SIRPB2: variants seen among roughly 807,000 people sequenced by gnomAD.
SIRPB2 encodes the protein signal-regulatory protein beta-2.
A neutral mutation model predicts 27.1 loss-of-function variants in SIRPB2; 18 were observed. That is an observed-to-expected ratio of 0.66 (90% CI 0.46 to 0.98). The LOEUF is 0.98. Among genes scored for constraint, SIRPB2 ranks in the 50% least tolerant of loss-of-function variants. The pLI, the probability that SIRPB2 is intolerant of heterozygous loss-of-function variation, is 0.00. For synonymous variants in SIRPB2, 150 were observed against 164.6 expected, an observed-to-expected ratio of 0.91 and a Z score of 0.68; for missense variants, 420 against 417.4, an observed-to-expected ratio of 1.01 and a Z score of -0.06.
chr20:1,484,550 C>T (rs1386323904), intron 1 of SIRPB2, among the ~76,000 whole-genome samples: 1 of 152,076 alleles, frequency 6.6e-6, no homozygotes, highest in Non-Finnish European at 1.5e-5. Context: ...CATGAATCAA[C>T]ATCTCTCAAA....
intron 1 of SIRPB2, 84 bp downstream of exon 1, chr20:1,491,191 C>T: frequency 7.8e-7 from 1 of 1,276,898 alleles, no homozygotes; most frequent in Non-Finnish European, 1.1e-6. Context: ...GGTCAAGCTT[C>T]TTCAGGCATG....
rs756193958 is a variant in SIRPB2, at chr20:1,476,798, C to T, written c.860-462G>A. The T allele has an allele frequency of 6.6e-5, 69 of 1,050,368 alleles. 1 individual carries two copies. In the Middle Eastern group the frequency reaches 1.8e-3, roughly 28 times the overall value. The allele number at this position is 1,050,368 out of a possible 1,614,324, so 65.1% of individuals were successfully genotyped here. On this transcript the variant is annotated intron_variant, in intron 4 of 4. Coordinates refer to ENST00000359801, the MANE Select transcript of SIRPB2 (RefSeq NM_001122962.2). Reference sequence around the variant, plus strand: ...GACCACATCTATCACAAGCTCCCACCAGATACTGAGAGTCCTTGAATGTTA... The same window carrying T: ...GACCACATCTATCACAAGCTCCCACTAGATACTGAGAGTCCTTGAATGTTA...
In SIRPB2 at chr20:1,476,830, G is replaced by A. The variant is rs923257466; in HGVS notation, c.860-494C>T. 3.7e-6 allele frequency: 4 copies of A among 1,068,228 alleles called. No individual in the cohort carries two copies. The South Asian group carries it at 1.1e-4, about 30-fold the overall frequency. The allele number at this position is 1,068,228 out of a possible 1,614,324, so 66.2% of individuals were successfully genotyped here. A position where few individuals can be genotyped will look rare whatever the true frequency, so the allele number is the denominator to read the frequency against. On this transcript the variant is annotated intron_variant, in intron 4 of 4. Coordinates refer to ENST00000359801, the MANE Select transcript of SIRPB2 (RefSeq NM_001122962.2). Reference sequence around the variant, plus strand: ...TGAGAGTCCTTGAATGTTAACATGAGATGTGCTAGGCACAGTTCTGGACAC... The same window carrying A: ...TGAGAGTCCTTGAATGTTAACATGAAATGTGCTAGGCACAGTTCTGGACAC...
rs367872084 is a variant in SIRPB2, at chr20:1,478,426, G to A, written c.633C>T (p.Ser211=). ...CCTGCACCGCTGTCTCCTTGGGGTG[G>A]GAGATGCCTCCAAAGTTGTAAATGG... is the stretch of plus-strand genomic sequence containing the variant. ...REAIYNFGGI[S]HPKETAVQAS... Residue 211 remains serine (S), a synonymous_variant, in exon 3 of 5, where the codon TCC becomes TCT. Coordinates refer to ENST00000359801, the MANE Select transcript of SIRPB2 (RefSeq NM_001122962.2). 12 of 1,614,018 alleles carry A rather than the reference G, an allele frequency of 7.4e-6. No homozygotes were observed. Among genetic ancestry groups the A allele is most frequent in the Admixed American group, 1.7e-5 (1 of 59,996 alleles).
chr20:1,477,349 A>G lies in SIRPB2; in HGVS notation c.848T>C (p.Met283Thr). The change falls in exon 4 of 5, where the codon ATG (methionine) becomes ACG (threonine). Residue 283 changes from methionine to threonine, a missense_variant. Met to Thr is a moderately conservative substitution (Grantham distance 81). Transcript: ENST00000359801. Reference sequence around the variant, plus strand: ...GTGGGTACGCTCACCTGTTGGAGACATCTCAGTTGCAGGTTCACTGGTGAA... The same window carrying G: ...GTGGGTACGCTCACCTGTTGGAGACGTCTCAGTTGCAGGTTCACTGGTGAA... ...AEFTSEPATE[M>T]SPTGLLVVFA... 1 of 1,614,222 alleles carries G rather than the reference A, an allele frequency of 6.2e-7. No individual in the cohort carries two copies. The highest frequency in any genetic ancestry group is 8.5e-7 in the Non-Finnish European group (1 of 1,180,032).
At chr20:1,476,997 A>C in intron 4 of SIRPB2, 1 of 1,254,224 alleles carries the variant, frequency 8.0e-7, no homozygotes, top group Non-Finnish European at 1.0e-6. Flanking sequence ...AAGGGGCTCC[A>C]TCCAGGAGGC....
chr20:1,482,961 T>A (rs1009592228), intron 1 of SIRPB2, among the ~76,000 whole-genome samples: 2 of 152,188 alleles, frequency 1.3e-5, no homozygotes, highest in Non-Finnish European at 2.9e-5. Context: ...TTCCTGTAGA[T>A]AAATACCTGT....
At chr20:1,489,638 T>A (rs141599847) in intron 1 of SIRPB2, among the ~76,000 whole-genome samples, 1 of 152,178 alleles carries the variant, frequency 6.6e-6, no homozygotes, top group Non-Finnish European at 1.5e-5. Flanking sequence ...GCCTTGTCAG[T>A]GGAGCTGGAC....
intron 1 of SIRPB2, 79 bp downstream of exon 1, chr20:1,491,196 G>C: frequency 7.6e-7 from 1 of 1,313,300 alleles, no homozygotes; most frequent in Non-Finnish European, 1.0e-6. Context: ...AGCTTCTTCA[G>C]GCATGGCAGA....
intron 1 of SIRPB2, among the ~76,000 whole-genome samples, chr20:1,487,912 T>C (rs750330164): frequency 3.8e-4 from 58 of 152,164 alleles, no homozygotes; most frequent in Non-Finnish European, 7.4e-5. Context: ...TGAACTTTGG[T>C]TTATATCTCA....
rs999831436 is a variant in SIRPB2, at chr20:1,476,018, T to G, written c.*149A>C. On this transcript the variant is annotated 3_prime_UTR_variant, in exon 5 of 5. Transcript: ENST00000359801. ...GAAGCCCGGTGCAAAGAAGGGAATT[T>G]CACTAGGTGGACCAAAACCAGATGT... 7 of 844,866 alleles carry G rather than the reference T, an allele frequency of 8.3e-6. No individual in the cohort carries two copies. The African/African-American group carries it at 1.2e-4, about 14-fold the overall frequency. The allele number at this position is 844,866 out of a possible 1,614,324, so 52.3% of individuals were successfully genotyped here.
At chr20:1,489,156 A>G (rs2090754083) in intron 1 of SIRPB2, among the ~76,000 whole-genome samples, 2 of 152,220 alleles carry the variant, frequency 1.3e-5, no homozygotes, top group African/African-American at 4.8e-5. Context: ...AATGCAAACT[A>G]TAGTGACAGA....
rs778195889 is a variant in SIRPB2 at position 1,478,332 on chromosome 20, C to T, written c.727G>A (p.Val243Ile). The change falls in exon 3 of 5, where the codon GTA becomes ATA. Residue 243 changes from valine to isoleucine, a missense_variant. Transcript: ENST00000359801. The stretch of plus-strand genomic sequence containing the variant: ...CTGTTGGGTTTCCTCTGAAACTTTA[C>T]ACAGTAATAGGTGCCTGCATCCTCA... ...SSEDAGTYYC[V>I]KFQRKPNRQY... is the part of the protein sequence containing the mutation. The T allele has an allele frequency of 2.6e-5, 42 of 1,614,080 alleles. No individual in the cohort carries two copies. The highest frequency in any genetic ancestry group is 3.5e-5 in the Non-Finnish European group (41 of 1,180,050).
downstream of SIRPB2, chr20:1,472,877 C>T (rs1159783968): frequency 6.6e-6 from 1 of 152,244 alleles, no homozygotes; most frequent in Non-Finnish European, 1.5e-5. Flanking sequence ...CAAGCACGCT[C>T]CTGCCTCAGG....
rs74648126 is a variant in SIRPB2, at chr20:1,478,956, G to A, written c.452-349C>T. 1.5e-3 allele frequency among the ~76,000 whole-genome samples: 228 copies of A among 152,352 alleles called. 2 individuals carry two copies. The highest frequency in any genetic ancestry group is 5.3e-3 in the African/African-American group (221 of 41,588). On this transcript the variant is annotated intron_variant, in intron 2 of 4. Coordinates refer to ENST00000359801, the MANE Select transcript of SIRPB2 (RefSeq NM_001122962.2). ...CACCATCATAGCTCGGAAGAAGCCA[G>A]TGAAGCCTTCCTGAATCTGGCATCA...
intron 1 of SIRPB2, among the ~76,000 whole-genome samples, chr20:1,487,515 C>T (rs2090737776): frequency 2.6e-5 from 4 of 152,188 alleles, no homozygotes; most frequent in Admixed American, 1.3e-4. Context: ...CTAATACCAC[C>T]TGCTTTCAAG....
At chr20:1,471,264 C>T (rs904499065), downstream of SIRPB2, 2 of 152,214 alleles carry the variant, frequency 1.3e-5, no homozygotes, top group Non-Finnish European at 2.9e-5. Context: ...TGAAGAAGCA[C>T]AGAACCTGTA....
chr20:1,473,659 T>C, downstream of SIRPB2: 1 of 289,154 alleles, frequency 3.5e-6, no homozygotes, highest in Non-Finnish European at 7.2e-6. Context: ...CTTTGTGTGG[T>C]CAAAGTCCAG....
At chr20:1,473,744 G>A, downstream of SIRPB2, 4 of 435,192 alleles carry the variant, frequency 9.2e-6, no homozygotes, top group South Asian at 6.4e-5. Context: ...ACCAGCTCAT[G>A]CAGGGCCCTA....
Sources: allele counts gnomAD v4.1 joint callset (sites outside exome capture counted in the v4.1 genomes callset), GRCh38; gene constraint gnomAD v4.1.1; transcripts MANE v1.5; gene names NCBI Gene and HGNC (gene_info 2026-07-23, HGNC 2026-07-21).